Variants in HTRA1 observed in about 807,000 individuals in gnomAD.
HTRA1 encodes serine protease HTRA1.
In HTRA1, 26 loss-of-function variants were observed where a neutral mutation model predicts 49.7. That is an observed-to-expected ratio of 0.52 (90% CI 0.38 to 0.73). The LOEUF (loss-of-function observed/expected upper bound fraction) is 0.73. Ranked by LOEUF, HTRA1 falls within the 30% of genes least tolerant of loss-of-function variation. The pLI, the probability that HTRA1 is intolerant of heterozygous loss-of-function variation, is 0.00. For synonymous variants in HTRA1, 291 were observed against 286.9 expected (o/e 1.01, Z -0.14); for missense variants, 561 against 667.2 (o/e 0.84, Z 1.75).
At chr10:122,462,297 G>C (rs2097481835) in intron 1 of HTRA1, among the ~76,000 whole-genome samples, 173 bp downstream of exon 1, 1 of 152,250 alleles carries the variant, frequency 6.6e-6, no homozygotes, top group South Asian at 2.1e-4. Context: ...GGCTGCCTCG[G>C]AACCGAGCTT....
chr10:122,514,429 G>C lies in HTRA1; in HGVS notation c.*70G>C, dbSNP rs1322081463. On this transcript the variant is annotated 3_prime_UTR_variant, in exon 9 of 9. Coordinates refer to ENST00000368984, the MANE Select transcript of HTRA1 (RefSeq NM_002775.5). ...CGTGGATGACGGATGAGGACTCTGG[G>C]CTGCTGGAATAGGACACTCAAGACT... 2.3e-5 allele frequency: 35 copies of C among 1,505,266 alleles called. No individual in the cohort carries two copies. Among genetic ancestry groups the C allele is most frequent in the South Asian group, 5.7e-5 (5 of 88,390 alleles). The allele number at this position is 1,505,266 out of a possible 1,614,324, so 93.2% of individuals were successfully genotyped here. A position where few individuals can be genotyped will look rare whatever the true frequency, so the allele number is the denominator to read the frequency against.
chr10:122,492,996 T>C (rs1032531226), intron 3 of HTRA1, among the ~76,000 whole-genome samples: 1 of 152,212 alleles, frequency 6.6e-6, no homozygotes, highest in Non-Finnish European at 1.5e-5. Context: ...TTCCTCCCAT[T>C]CTTGGAGCTC....
intron 7 of HTRA1, 66 bp downstream of exon 7, chr10:122,510,219 C>T (rs887647598): frequency 1.4e-5 from 19 of 1,312,764 alleles, no homozygotes; most frequent in African/African-American, 5.8e-5. Flanking sequence ...AAGGTGCTCA[C>T]GGGCACCCCT....
At chr10:122,465,840 CG>C (rs1228090444) in intron 1 of HTRA1, among the ~76,000 whole-genome samples, 1 of 152,186 alleles carries the variant, frequency 6.6e-6, no homozygotes, top group African/African-American at 2.4e-5. Flanking sequence ...AAAGACCAGC[CG>C]GGATTCCGGA....
At chr10:122,497,667 T>C (rs1171343886) in intron 3 of HTRA1, among the ~76,000 whole-genome samples, 2 of 152,246 alleles carry the variant, frequency 1.3e-5, no homozygotes, top group Non-Finnish European at 2.9e-5. Context: ...ACCCAGTCAG[T>C]TACCCAGACC....
At chr10:122,475,153 C>T (rs74159156) in intron 1 of HTRA1, among the ~76,000 whole-genome samples, 1,813 of 152,332 alleles carry the variant, frequency 0.012, 36 homozygotes, top group African/African-American at 0.042. Flanking sequence ...CTTCCTCCTT[C>T]ACTTCACCTG....
At position 122,508,523 on chromosome 10, in the gene HTRA1, G is replaced by A. The variant is rs567419981; in HGVS notation, c.1006-133G>A. On this transcript the variant is annotated intron_variant, in intron 5 of 8. Coordinates refer to ENST00000368984, the MANE Select transcript of HTRA1 (RefSeq NM_002775.5). ...ATGCCTCTCTCCCTGCTGCCACGGG[G>A]ATCCCCTCCTTGCATCTCCCCACTT... is the stretch of plus-strand genomic sequence containing the variant. 30 of 759,596 alleles carry A rather than the reference G, an allele frequency of 3.9e-5. 1 individual carries two copies. In the East Asian group the frequency reaches 6.0e-4, roughly 15 times the overall value. 47.1% of individuals were successfully genotyped at this position (759,596 alleles called of 1,614,324 possible). A position where few individuals can be genotyped will look rare whatever the true frequency, so the allele number is the denominator to read the frequency against.
chr10:122,464,139 G>A lies in HTRA1; in HGVS notation c.472+2015G>A, dbSNP rs1436921598. Among the ~76,000 whole-genome samples the A allele has an allele frequency of 6.6e-6, 1 of 152,192 alleles. No homozygotes were observed. Among genetic ancestry groups the A allele is most frequent in the Non-Finnish European group, 1.5e-5 (1 of 68,034 alleles). ...GGTGTGAGGCGACAACATTGAAAAA[G>A]CATGTTTTTGTCCAAAACAAGCCAG... is the stretch of plus-strand genomic sequence containing the variant. On this transcript the variant is annotated intron_variant, in intron 1 of 8. Coordinates refer to ENST00000368984, the MANE Select transcript of HTRA1 (RefSeq NM_002775.5). The surrounding 1 kb of genome is among the most constrained non-coding windows in gnomAD (Gnocchi z 4.8).
intron 1 of HTRA1, among the ~76,000 whole-genome samples, chr10:122,477,920 TG>T (rs2097489375): frequency 6.6e-6 from 1 of 152,002 alleles, no homozygotes; most frequent in Admixed American, 6.6e-5. Flanking sequence ...AGACCCCACA[TG>T]GCAGAAGGAA....
At chr10:122,484,685 G>A (rs1391370717) in intron 1 of HTRA1, among the ~76,000 whole-genome samples, 1 of 152,180 alleles carries the variant, frequency 6.6e-6, no homozygotes, top group Non-Finnish European at 1.5e-5. Context: ...GGTAGGTGGT[G>A]TTACCACATT....
At position 122,514,495 on chromosome 10, in the gene HTRA1, C is replaced by A; in HGVS notation, c.*136C>A. 1 of 799,920 alleles carries A rather than the reference C, an allele frequency of 1.3e-6. No homozygotes were observed. The highest frequency in any genetic ancestry group is 2.1e-6 in the Non-Finnish European group (1 of 467,852). The allele number at this position is 799,920 out of a possible 1,614,324, so 49.6% of individuals were successfully genotyped here. ...GTTTGTTCAGTGGAGACTCCCTGGCCAACAGAATCCTTCTTGATAGTTTGC... is the reference window on the plus strand; with the variant it reads ...GTTTGTTCAGTGGAGACTCCCTGGCAAACAGAATCCTTCTTGATAGTTTGC... On this transcript the variant is annotated 3_prime_UTR_variant, in exon 9 of 9. Transcript: ENST00000368984.
At position 122,474,213 on chromosome 10, in the gene HTRA1, G is replaced by A. The variant is rs998587917; in HGVS notation, c.472+12089G>A. Among the ~76,000 whole-genome samples, 11 of 152,174 alleles carry A rather than the reference G, an allele frequency of 7.2e-5. No homozygotes were observed. The East Asian group carries it at 7.7e-4, about 11-fold the overall frequency. ...GGAGCTGGAAAGGATGTCGGAAACCGTCTAGCCTACCCCCTCATCTTACCA... is the reference window on the plus strand; with the variant it reads ...GGAGCTGGAAAGGATGTCGGAAACCATCTAGCCTACCCCCTCATCTTACCA... On this transcript the variant is annotated intron_variant, in intron 1 of 8. Transcript: ENST00000368984.
intron 1 of HTRA1, 23 bp downstream of exon 1, chr10:122,462,147 A>G: frequency 1.5e-5 from 22 of 1,508,678 alleles, no homozygotes; most frequent in Non-Finnish European, 1.9e-5. Context: ...GCTCCTGGGC[A>G]GCTCCCCACT....
rs2097493694 is a variant in HTRA1 at position 122,487,746 on chromosome 10, T to C, written c.473-1156T>C. 6.6e-6 allele frequency among the ~76,000 whole-genome samples: 1 copy of C among 152,218 alleles called. No homozygotes were observed. Among genetic ancestry groups the C allele is most frequent in the Non-Finnish European group, 1.5e-5 (1 of 68,042 alleles). The stretch of plus-strand genomic sequence containing the variant: ...CACCTAGGCCAGATGGCAGAGCCTG[T>C]TGTTTCTAGGATGCACGCCCGTACA... On this transcript the variant is annotated intron_variant, in intron 1 of 8. Transcript: ENST00000368984. This position sits in a 1 kb window ranked among gnomAD's most constrained non-coding sequence, Gnocchi z 4.8.
intron 1 of HTRA1, among the ~76,000 whole-genome samples, chr10:122,465,939 G>A (rs2097483583): frequency 6.6e-6 from 1 of 152,168 alleles, no homozygotes; most frequent in South Asian, 2.1e-4. Flanking sequence ...TCTCCTGCTA[G>A]TACATCCTCC....
At chr10:122,499,634 T>G (rs1441351511) in intron 3 of HTRA1, among the ~76,000 whole-genome samples, 1 of 152,212 alleles carries the variant, frequency 6.6e-6, no homozygotes, top group Non-Finnish European at 1.5e-5. Flanking sequence ...AAGCAAGTCT[T>G]TGGATGCTGA....
At chr10:122,463,752 C>G (rs1435363123) in intron 1 of HTRA1, among the ~76,000 whole-genome samples, 1 of 152,216 alleles carries the variant, frequency 6.6e-6, no homozygotes, top group African/African-American at 2.4e-5. Context: ...CAGACAGCCT[C>G]ATTCAGAGGA....
chr10:122,461,760 GTGCCC>G lies in HTRA1; in HGVS notation c.109_113del (p.Cys37ArgfsTer130). 1 of 1,102,352 alleles carries G rather than the reference GTGCCC, an allele frequency of 9.1e-7. No individual in the cohort carries two copies. Among genetic ancestry groups the G allele is most frequent in the Non-Finnish European group, 1.1e-6 (1 of 903,744 alleles). The allele number at this position is 1,102,352 out of a possible 1,614,324, so 68.3% of individuals were successfully genotyped here. On this transcript the variant is annotated frameshift_variant, in exon 1 of 9. Transcript: ENST00000368984. LOFTEE classifies it high-confidence loss of function. ...GCCGCTCGGCGCCTTTGGCCGCCGG[GTGCCC>G]AGACCGCTGCGAGCCGGCGCGCTGC...
intron 3 of HTRA1, among the ~76,000 whole-genome samples, chr10:122,497,936 C>A (rs112055067): frequency 0.016 from 2,387 of 152,306 alleles, 26 homozygotes; most frequent in Middle Eastern, 0.037. Flanking sequence ...TATTATTCCT[C>A]CTCTGGATGC....
Sources: gnomAD v4.1 joint callset for allele counts (sites outside exome capture counted in the v4.1 genomes callset) on GRCh38, gnomAD v4.1.1 for gene constraint, Gnocchi (gnomAD v3.1) non-coding constraint, MANE v1.5 for transcripts, NCBI Gene and HGNC (gene_info 2026-07-23, HGNC 2026-07-21) for gene names.